The following RFX7 variants were observed in gnomAD, a reference collection of about 807,000 sequenced individuals.
RFX7 encodes the protein DNA-binding protein RFX7.
Under a neutral mutation model 111.8 loss-of-function variants are expected in RFX7, and 26 were observed. That is an observed-to-expected ratio of 0.23 (90% CI 0.17 to 0.32). The LOEUF is 0.32. Ranked by LOEUF, RFX7 falls within the 10% of genes least tolerant of loss-of-function variation. The probability of loss-of-function intolerance (pLI) is 1.00; values close to 1 mark genes in which losing one functional copy is unlikely to be tolerated. For synonymous variants in RFX7, 624 were observed against 624.4 expected, an observed-to-expected ratio of 1.00 and a Z score of 0.01; for missense variants, 1,573 against 1,772.9, an observed-to-expected ratio of 0.89 and a Z score of 2.02.
At chr15:56,243,356 G>T (rs2043736255) in intron 1 of RFX7, 69 bp from the exon 2 acceptor site, 1 of 909,482 alleles carries the variant, frequency 1.1e-6, no homozygotes, top group Non-Finnish European at 1.4e-6. Context: ...GAGACCGGGA[G>T]GGGAGGACGA....
chr15:56,117,021 G>T (rs9672886), intron 5 of RFX7, among the ~76,000 whole-genome samples: 50,058 of 152,038 alleles, frequency 0.33, 9,306 homozygotes, highest in East Asian at 0.41. Context: ...AGAGGTGCTG[G>T]TAAAGAGAGT....
In RFX7 at chr15:56,217,860, C is replaced by G. The variant is rs1010109615; in HGVS notation, c.161+25265G>C. ...CTTTCACTCAATCGAGCCAATCTGTCGTGTTTTACCTTTGATTTTTATTAG... is the reference window on the plus strand; with the variant it reads ...CTTTCACTCAATCGAGCCAATCTGTGGTGTTTTACCTTTGATTTTTATTAG... On this transcript the variant is annotated intron_variant, in intron 2 of 9. Coordinates refer to ENST00000559447, the MANE Select transcript of RFX7 (RefSeq NM_022841.7). Among the ~76,000 whole-genome samples, 4 of 152,262 alleles carry G rather than the reference C, an allele frequency of 2.6e-5. No homozygotes were observed. The East Asian group carries it at 5.8e-4, about 22-fold the overall frequency.
intron 2 of RFX7, among the ~76,000 whole-genome samples, chr15:56,219,671 C>A (rs2043403470): frequency 6.6e-6 from 1 of 152,138 alleles, no homozygotes; most frequent in South Asian, 2.1e-4. Flanking sequence ...CAGCTACATC[C>A]ACGTCGCTGC....
At chr15:56,207,064 G>A (rs574771800) in intron 2 of RFX7, among the ~76,000 whole-genome samples, 3 of 152,208 alleles carry the variant, frequency 2.0e-5, no homozygotes, top group African/African-American at 7.2e-5. Context: ...CATTTACTCT[G>A]ATGTGATTAT....
chr15:56,184,931 G>T (rs2043022030), intron 2 of RFX7, among the ~76,000 whole-genome samples: 1 of 152,140 alleles, frequency 6.6e-6, no homozygotes, highest in South Asian at 2.1e-4. Flanking sequence ...GTTTATCTAT[G>T]TATCTTTTTA....
intron 2 of RFX7, among the ~76,000 whole-genome samples, chr15:56,239,984 C>A (rs199992556): frequency 1.7e-5 from 2 of 120,920 alleles, no homozygotes; most frequent in African/African-American, 3.2e-5. Flanking sequence ...TTTGGTATTT[C>A]TTTTTTTTTT....
At chr15:56,113,229 A>T (rs1034516370) in intron 5 of RFX7, among the ~76,000 whole-genome samples, 1 of 152,246 alleles carries the variant, frequency 6.6e-6, no homozygotes, top group South Asian at 2.1e-4. Flanking sequence ...ACTATTCACA[A>T]TAGCAAAAAC....
chr15:56,242,958 G>A (rs867418225), intron 2 of RFX7, among the ~76,000 whole-genome samples, 167 bp downstream of exon 2: 2 of 152,206 alleles, frequency 1.3e-5, no homozygotes, highest in African/African-American at 4.8e-5. Context: ...TTGATGCAAA[G>A]TCCGCACACC....
rs2041623729 is a variant in RFX7 at position 56,093,537 on chromosome 15, C to T, written c.4191G>A (p.Leu1397=). The change falls in exon 10 of 10, where the codon TTG becomes TTA. Residue 1397 remains leucine, a synonymous_variant. Coordinates refer to ENST00000559447, the MANE Select transcript of RFX7 (RefSeq NM_022841.7). ...ACAGTAGATTTGGGTCTAAAGTGTTCAAATCATTGATGCTGCCTGAGAGCT... is the reference window on the plus strand; with the variant it reads ...ACAGTAGATTTGGGTCTAAAGTGTTTAAATCATTGATGCTGCCTGAGAGCT... ...SSELSGSIND[L]NTLDPNLLFD... The T allele has an allele frequency of 5.0e-6, 8 of 1,613,812 alleles. No homozygotes were observed. The highest frequency in any genetic ancestry group is 6.8e-6 in the Non-Finnish European group (8 of 1,179,816).
rs189535392 is a variant in RFX7, at chr15:56,105,188, A to C, written c.402-1518T>G. 2.6e-5 allele frequency among the ~76,000 whole-genome samples: 4 copies of C among 152,350 alleles called. No homozygotes were observed. In the East Asian group the frequency reaches 7.7e-4, roughly 29 times the overall value. On this transcript the variant is annotated intron_variant, in intron 5 of 9. Coordinates refer to ENST00000559447, the MANE Select transcript of RFX7 (RefSeq NM_022841.7). ...TTTCTTATCTTTCAAGTCTCTGCTT[A>C]AATTTTATGATTTTTGAAAGGATCT... is the stretch of plus-strand genomic sequence containing the variant.
intron 5 of RFX7, among the ~76,000 whole-genome samples, chr15:56,135,174 C>T (rs1476857041): frequency 6.6e-6 from 1 of 152,082 alleles, no homozygotes; most frequent in Non-Finnish European, 1.5e-5. Context: ...GTTCTAGATC[C>T]CTGAGGAATC....
intron 2 of RFX7, among the ~76,000 whole-genome samples, chr15:56,179,727 C>T (rs1019391422): frequency 6.7e-6 from 1 of 149,208 alleles, no homozygotes; most frequent in Non-Finnish European, 1.5e-5. Context: ...AGATTTGATA[C>T]ATAAAAGATT....
chr15:56,186,518 T>C (rs1250450363), intron 2 of RFX7, among the ~76,000 whole-genome samples: 1 of 152,136 alleles, frequency 6.6e-6, no homozygotes, highest in South Asian at 2.1e-4. Flanking sequence ...ATCAAAAGTT[T>C]ATGTCCGGAG....
chr15:56,211,002 C>A (rs761709650), intron 2 of RFX7, among the ~76,000 whole-genome samples: 3 of 152,028 alleles, frequency 2.0e-5, no homozygotes, highest in Non-Finnish European at 4.4e-5. Context: ...ATTACATGAA[C>A]AATTCTATGC....
At chr15:56,137,163 T>C (rs1291740068) in intron 5 of RFX7, among the ~76,000 whole-genome samples, 8 of 152,156 alleles carry the variant, frequency 5.3e-5, no homozygotes, top group Admixed American at 6.5e-5. Flanking sequence ...TCTTTTTCTA[T>C]TGATTGGAAT....
chr15:56,224,762 T>C (rs1374572518), intron 2 of RFX7, among the ~76,000 whole-genome samples: 3 of 152,118 alleles, frequency 2.0e-5, no homozygotes, highest in East Asian at 1.9e-4. Context: ...TTCTACTTAA[T>C]AGAGAAAACT....
chr15:56,231,284 T>C (rs935364875), intron 2 of RFX7, among the ~76,000 whole-genome samples: 17 of 152,166 alleles, frequency 1.1e-4, no homozygotes, highest in Admixed American at 6.5e-4. Context: ...TAGTCTGTTT[T>C]CATGCTGCTG....
chr15:56,148,150 A>G lies in RFX7; in HGVS notation c.196-3667T>C, dbSNP rs74017474. Among the ~76,000 whole-genome samples the G allele has an allele frequency of 5.4e-3, 820 of 152,330 alleles. 15 individuals carry two copies. Among genetic ancestry groups the G allele is most frequent in the African/African-American group, 0.018 (751 of 41,566 alleles). On this transcript the variant is annotated intron_variant, in intron 3 of 9. Transcript: ENST00000559447. Reference sequence around the variant, plus strand: ...AAAGACCTCTTTCTCATGCACTTCAATCTTTGCAAAAAGATATTAAAAAGG... The same window carrying G: ...AAAGACCTCTTTCTCATGCACTTCAGTCTTTGCAAAAAGATATTAAAAAGG...
chr15:56,093,339 C>A lies in RFX7; in HGVS notation c.*6G>T, dbSNP rs535419094. ...ATACAGTGTGCTACATGTTATAAAA[C>A]ACAATTTAACCCAACATTTCAACAG... On this transcript the variant is annotated 3_prime_UTR_variant, in exon 10 of 10. Transcript: ENST00000559447. 8.8e-6 allele frequency: 14 copies of A among 1,594,848 alleles called. No homozygotes were observed. The highest frequency in any genetic ancestry group is 1.1e-5 in the Non-Finnish European group (13 of 1,170,680).
Sources: allele counts gnomAD v4.1 joint callset (sites outside exome capture counted in the v4.1 genomes callset), GRCh38; gene constraint gnomAD v4.1.1; transcripts MANE v1.5; gene names NCBI Gene and HGNC (gene_info 2026-07-23, HGNC 2026-07-21).